Variants in S100Z observed in about 807,000 individuals in gnomAD.
S100Z encodes S100 calcium binding protein Z.
A neutral mutation model predicts 8.5 loss-of-function variants in S100Z; 11 were observed. The observed-to-expected ratio is 1.30, with a 90% confidence interval of 0.82 to 2.15. The LOEUF (loss-of-function observed/expected upper bound fraction) is 2.15. S100Z is among the 30% of genes most tolerant of loss of function. S100Z has a pLI of 0.00. For missense variants in S100Z, 126 were observed against 117.9 expected (o/e 1.07, Z -0.32); for synonymous variants, 34 against 43.8 (o/e 0.78, Z 0.89).
At chr5:76,895,848 C>T (rs868434709) in intron 4 of S100Z, among the ~76,000 whole-genome samples, 6 of 147,642 alleles carry the variant, frequency 4.1e-5, no homozygotes, top group South Asian at 2.2e-4. Flanking sequence ...CTGCAATCTC[C>T]GCCTCCCAGG....
At chr5:76,943,890 GA>G in the S100Z span, among the ~76,000 whole-genome samples, 1 of 151,774 alleles carries the variant, frequency 6.6e-6, no homozygotes, top group Non-Finnish European at 1.5e-5. Flanking sequence ...GAGGCAAAAG[GA>G]AAAGTCACTG....
the S100Z span, among the ~76,000 whole-genome samples, chr5:76,927,602 T>C: frequency 6.6e-6 from 1 of 152,204 alleles, no homozygotes; most frequent in Non-Finnish European, 1.5e-5. Flanking sequence ...CTTCCAATAG[T>C]GGCTTAGGCC....
At chr5:76,863,627 C>T (rs547771695) in intron 1 of S100Z, among the ~76,000 whole-genome samples, 232 of 152,214 alleles carry the variant, frequency 1.5e-3, no homozygotes, top group Non-Finnish European at 2.5e-3. Flanking sequence ...CAAGCTCCGC[C>T]TCCCGGGTTC....
the S100Z span, among the ~76,000 whole-genome samples, chr5:76,951,489 C>G: frequency 0.028 from 4,241 of 152,256 alleles, 136 homozygotes; most frequent in East Asian, 0.13. Context: ...ATTCTGGGAA[C>G]AGGCCAAGGG....
At chr5:76,950,628 C>T in the S100Z span, among the ~76,000 whole-genome samples, 3 of 152,122 alleles carry the variant, frequency 2.0e-5, no homozygotes, top group Non-Finnish European at 2.9e-5. Flanking sequence ...GAGAAGCTAT[C>T]TGGAAAAATA....
intron 2 of S100Z, among the ~76,000 whole-genome samples, chr5:76,870,965 AAAAAT>A (rs1244902055): frequency 4.6e-5 from 7 of 152,174 alleles, no homozygotes; most frequent in African/African-American, 9.7e-5. Flanking sequence ...CTACAAAGAA[AAAAAT>A]AAAATAAAAT....
At chr5:76,879,287 G>T (rs772238188) in intron 4 of S100Z, among the ~76,000 whole-genome samples, 1 of 152,156 alleles carries the variant, frequency 6.6e-6, no homozygotes, top group Non-Finnish European at 1.5e-5. Flanking sequence ...CCTGGGCATT[G>T]TTGTCATGGA....
At chr5:76,889,178 C>G in intron 4 of S100Z, among the ~76,000 whole-genome samples, 1 of 152,140 alleles carries the variant, frequency 6.6e-6, no homozygotes, top group African/African-American at 2.4e-5. Context: ...GAGCCCCCTT[C>G]CCTCTGTCTC....
intron 4 of S100Z, among the ~76,000 whole-genome samples, chr5:76,895,159 G>A (rs1311012798): frequency 6.6e-6 from 1 of 152,142 alleles, no homozygotes; most frequent in Non-Finnish European, 1.5e-5. Context: ...AATCAGAGAA[G>A]TCAAGCGCAT....
chr5:76,869,515 A>G (rs767114741), intron 1 of S100Z, among the ~76,000 whole-genome samples: 2 of 152,210 alleles, frequency 1.3e-5, no homozygotes, highest in Non-Finnish European at 2.9e-5. Flanking sequence ...GTCAGTTTGC[A>G]GGCAGGGCCA....
chr5:76,945,789 A>G, the S100Z span, among the ~76,000 whole-genome samples: 2 of 152,334 alleles, frequency 1.3e-5, no homozygotes, highest in South Asian at 2.1e-4. Context: ...GAGGAAACCC[A>G]GAGACCGGTG....
At chr5:76,908,124 C>G (rs1362590118) in intron 4 of S100Z, among the ~76,000 whole-genome samples, 2 of 151,946 alleles carry the variant, frequency 1.3e-5, no homozygotes, top group Admixed American at 1.3e-4. Context: ...AGAGTGAGAC[C>G]CTGTCTCAAA....
chr5:76,897,315 G>T (rs1052454339), intron 4 of S100Z, among the ~76,000 whole-genome samples: 63 of 151,942 alleles, frequency 4.1e-4, no homozygotes, highest in Non-Finnish European at 1.3e-4. Flanking sequence ...GGTGGTGGGC[G>T]CCTGTAGTCG....
At chr5:76,852,334 A>T (rs927402250) in intron 1 of S100Z, among the ~76,000 whole-genome samples, 1 of 152,134 alleles carries the variant, frequency 6.6e-6, no homozygotes, top group South Asian at 2.1e-4. Context: ...TGTTTACACT[A>T]GCAGCCTGGC....
chr5:76,931,654 A>G, the S100Z span, among the ~76,000 whole-genome samples: 1 of 152,208 alleles, frequency 6.6e-6, no homozygotes, highest in East Asian at 1.9e-4. Flanking sequence ...GTGCTATAGA[A>G]AAGACCAGAT....
chr5:76,926,823 C>G, the S100Z span, among the ~76,000 whole-genome samples: 1 of 152,174 alleles, frequency 6.6e-6, no homozygotes, highest in African/African-American at 2.4e-5. Context: ...AAAAGATTCC[C>G]CCTGAAGAGT....
At chr5:76,898,416 C>T (rs140795800) in intron 4 of S100Z, among the ~76,000 whole-genome samples, 8,738 of 152,128 alleles carry the variant, frequency 0.057, 347 homozygotes, top group Non-Finnish European at 0.083. Context: ...CCGCCCACCT[C>T]GGCCTCCCAA....
At chr5:76,886,434 A>C (rs1743634898) in intron 4 of S100Z, among the ~76,000 whole-genome samples, 1 of 152,222 alleles carries the variant, frequency 6.6e-6, no homozygotes, top group Non-Finnish European at 1.5e-5. Flanking sequence ...GAGTAAAAAG[A>C]GGCCACTTAC....
chr5:76,853,470 G>A (rs1481003780), intron 1 of S100Z, among the ~76,000 whole-genome samples: 1 of 152,146 alleles, frequency 6.6e-6, no homozygotes, highest in Non-Finnish European at 1.5e-5. Context: ...AATATGGTTT[G>A]GATCTGTATC....
Sources: allele counts gnomAD v4.1 joint callset (sites outside exome capture counted in the v4.1 genomes callset), GRCh38; gene constraint gnomAD v4.1.1; transcripts MANE v1.5; gene names NCBI Gene and HGNC (gene_info 2026-07-23, HGNC 2026-07-21).